The following IL20RB variants were observed in gnomAD, a reference collection of about 807,000 sequenced individuals.
The protein encoded by IL20RB is interleukin-20 receptor subunit beta.
In IL20RB, 21 loss-of-function variants were observed where a neutral mutation model predicts 33.3. That is an observed-to-expected ratio of 0.63 (90% CI 0.45 to 0.91). The LOEUF (loss-of-function observed/expected upper bound fraction) is 0.91, where lower values mean the gene tolerates loss of function less well. Ranked by LOEUF, IL20RB falls within the 40% of genes least tolerant of loss-of-function variation. The pLI is 0.00. For missense variants in IL20RB, 345 were observed against 384.8 expected (o/e 0.90, Z 0.86); for synonymous variants, 147 against 146.8 (o/e 1.00, Z -0.01).
At chr3:136,999,083 T>G (rs1942190152) in intron 6 of IL20RB, among the ~76,000 whole-genome samples, 1 of 152,070 alleles carries the variant, frequency 6.6e-6, no homozygotes, top group East Asian at 1.9e-4. Context: ...TTTGGAAAAT[T>G]TTCAGCCTTT....
At chr3:137,001,975 C>T (rs1942252674) in intron 6 of IL20RB, among the ~76,000 whole-genome samples, 1 of 152,104 alleles carries the variant, frequency 6.6e-6, no homozygotes, top group African/African-American at 2.4e-5. Flanking sequence ...TGCACTGTGT[C>T]CAAGTGATCT....
At chr3:137,004,721 T>TA (rs1942318106) in intron 6 of IL20RB, among the ~76,000 whole-genome samples, 1 of 152,344 alleles carries the variant, frequency 6.6e-6, no homozygotes, top group East Asian at 1.9e-4. Flanking sequence ...AACCAGCTTC[T>TA]GGATTCATTT....
At chr3:136,984,926 A>G (rs2108202691) in intron 3 of IL20RB, among the ~76,000 whole-genome samples, 1 of 152,260 alleles carries the variant, frequency 6.6e-6, no homozygotes, top group East Asian at 1.9e-4. Context: ...AGCATTCAGC[A>G]CCACCTCCCT....
rs747784208 is a variant in IL20RB, at chr3:136,995,532, C to A, written c.801C>A (p.Pro267=). 2.5e-6 allele frequency: 4 copies of A among 1,614,032 alleles called. No homozygotes were observed. The Admixed American group carries it at 5.0e-5, about 20-fold the overall frequency. The part of the protein sequence containing the change: ...MGRLLQYSCC[P]VVVLPDTLKI... ...GGCTGCTCCAGTACTCCTGTTGCCCCGTGGTGGTCCTCCCAGACACCTTGG... is the reference window on the plus strand; with the variant it reads ...GGCTGCTCCAGTACTCCTGTTGCCCAGTGGTGGTCCTCCCAGACACCTTGG... The change falls in exon 6 of 7, where the codon CCC becomes CCA. Residue 267 remains proline (P), a synonymous_variant. Transcript: ENST00000329582.
chr3:136,984,433 T>C (rs1941854392), intron 3 of IL20RB, among the ~76,000 whole-genome samples: 1 of 151,878 alleles, frequency 6.6e-6, no homozygotes, highest in East Asian at 1.9e-4. Context: ...TGGGTGGGAA[T>C]GTAACCAGTT....
chr3:136,985,378 C>G (rs1560072011), intron 3 of IL20RB, among the ~76,000 whole-genome samples: 3 of 150,062 alleles, frequency 2.0e-5, no homozygotes, highest in Non-Finnish European at 4.4e-5. Flanking sequence ...GCTCTTGTTG[C>G]CCAGGCTGGA....
At chr3:136,972,779 T>A (rs1941520415) in intron 1 of IL20RB, among the ~76,000 whole-genome samples, 1 of 152,044 alleles carries the variant, frequency 6.6e-6, no homozygotes, top group South Asian at 2.1e-4. Flanking sequence ...TTTTTTTTAG[T>A]CTCTATTCCA....
At position 136,963,691 on chromosome 3, in the gene IL20RB, T is replaced by A. The variant is rs1173622832; in HGVS notation, c.88+5490T>A. On this transcript the variant is annotated intron_variant, in intron 1 of 6. Coordinates refer to ENST00000329582, the MANE Select transcript of IL20RB (RefSeq NM_144717.4). ...AGATACTAGTTCTTTTTTTTTTTTT[T>A]TATTTTTTTTTTTTATTATACTCTA... is the stretch of plus-strand genomic sequence containing the variant. Among the ~76,000 whole-genome samples the A allele has an allele frequency of 6.5e-5, 6 of 92,968 alleles. No individual in the cohort carries two copies. In the East Asian group the frequency reaches 2.7e-3, roughly 42 times the overall value. The allele number at this position is 92,968 out of a possible 152,430, so 61.0% of individuals were successfully genotyped here. A position where few individuals can be genotyped will look rare whatever the true frequency, so the allele number is the denominator to read the frequency against.
intron 1 of IL20RB, 72 bp downstream of exon 1, chr3:136,958,273 C>G: frequency 1.1e-6 from 1 of 894,496 alleles, no homozygotes; most frequent in Non-Finnish European, 1.9e-6. Context: ...AAATACTTTC[C>G]CAGGGCCTGG....
At chr3:136,983,522 G>A (rs1377774314) in intron 3 of IL20RB, among the ~76,000 whole-genome samples, 1 of 152,238 alleles carries the variant, frequency 6.6e-6, no homozygotes, top group African/African-American at 2.4e-5. Context: ...TTTGGAAGGG[G>A]ATGGGAAGGA....
intron 3 of IL20RB, among the ~76,000 whole-genome samples, chr3:136,986,372 TC>T (rs1941899166): frequency 6.6e-6 from 1 of 152,172 alleles, no homozygotes; most frequent in South Asian, 2.1e-4. Flanking sequence ...AAACAACTCT[TC>T]TCTGAACTGA....
At chr3:136,991,110 C>T (rs183313187) in intron 4 of IL20RB, among the ~76,000 whole-genome samples, 77 of 152,290 alleles carry the variant, frequency 5.1e-4, no homozygotes, top group Admixed American at 4.1e-3. Context: ...GGTGAACAGA[C>T]GGATGGACAG....
intron 6 of IL20RB, among the ~76,000 whole-genome samples, chr3:137,007,662 G>A (rs568803653): frequency 3.9e-5 from 6 of 152,246 alleles, no homozygotes; most frequent in Non-Finnish European, 8.8e-5. Context: ...GTATTTGGGT[G>A]GGAGTGCCCC....
chr3:136,988,816 CA>C (rs1941969100), intron 3 of IL20RB, among the ~76,000 whole-genome samples: 1 of 152,098 alleles, frequency 6.6e-6, no homozygotes, highest in Admixed American at 6.5e-5. Flanking sequence ...ATAGAATGGC[CA>C]ACCCTATTCA....
chr3:136,980,643 T>C, intron 2 of IL20RB, 51 bp downstream of exon 2: 1 of 1,608,724 alleles, frequency 6.2e-7, no homozygotes, highest in Non-Finnish European at 8.5e-7. Context: ...AGTTGGTTCC[T>C]GAAGGCATAG....
chr3:136,997,440 T>C (rs998497573), intron 6 of IL20RB, among the ~76,000 whole-genome samples: 1 of 152,182 alleles, frequency 6.6e-6, no homozygotes, highest in Non-Finnish European at 1.5e-5. Flanking sequence ...CGAGGCTCTG[T>C]TTTAAGTGTA....
In IL20RB at chr3:137,010,313, C is replaced by T. The variant is rs112952087; in HGVS notation, c.*90C>T. The stretch of plus-strand genomic sequence containing the variant: ...CAAGTTGTGTTTCTGTTTTCCGCCA[C>T]GGACAAGGGATGAGAGAAGTAGGAA... On this transcript the variant is annotated 3_prime_UTR_variant, in exon 7 of 7. Transcript: ENST00000329582. 45 of 731,426 alleles carry T rather than the reference C, an allele frequency of 6.2e-5. 1 individual carries two copies. The highest frequency in any genetic ancestry group is 2.4e-4 in the African/African-American group (14 of 57,380). The allele number at this position is 731,426 out of a possible 1,614,324, so 45.3% of individuals were successfully genotyped here.
At chr3:137,006,641 A>G (rs1452739528) in intron 6 of IL20RB, among the ~76,000 whole-genome samples, 1 of 152,090 alleles carries the variant, frequency 6.6e-6, no homozygotes, top group Non-Finnish European at 1.5e-5. Context: ...GGTCTTCTCT[A>G]CACTGTTTAT....
chr3:136,995,088 T>C (rs1289478816), intron 5 of IL20RB, among the ~76,000 whole-genome samples: 1 of 152,234 alleles, frequency 6.6e-6, no homozygotes, highest in African/African-American at 2.4e-5. Flanking sequence ...GGCTTGGCAC[T>C]CTGCCTTCCT....
Sources: gnomAD v4.1 joint callset for allele counts (sites outside exome capture counted in the v4.1 genomes callset) on GRCh38, gnomAD v4.1.1 for gene constraint, MANE v1.5 for transcripts, NCBI Gene and HGNC (gene_info 2026-07-23, HGNC 2026-07-21) for gene names.